The following FAXDC2 variants were observed in gnomAD, a reference collection of about 807,000 sequenced individuals.
FAXDC2 encodes fatty acid hydroxylase domain containing 2, also known as fatty acid hydroxylase domain-containing protein 2.
In FAXDC2, 41 loss-of-function variants were observed where a neutral mutation model predicts 40.9. That is an observed-to-expected ratio of 1.00 (90% CI 0.78 to 1.30). The LOEUF is 1.30. FAXDC2 is among the 50% of genes most tolerant of loss of function. The pLI, the probability that FAXDC2 is intolerant of heterozygous loss-of-function variation, is 0.00. For synonymous variants in FAXDC2, 157 were observed against 149.3 expected (o/e 1.05, Z -0.38); for missense variants, 390 against 408.8 (o/e 0.95, Z 0.40).
intron 1 of FAXDC2, among the ~76,000 whole-genome samples, chr5:154,849,835 T>C (rs1760687972): frequency 6.6e-6 from 1 of 152,236 alleles, no homozygotes; most frequent in African/African-American, 2.4e-5. Flanking sequence ...ACCTACACAC[T>C]TTACTGTATG....
At position 154,821,299 on chromosome 5, in the gene FAXDC2, A is replaced by T; in HGVS notation, c.806T>A (p.Phe269Tyr). The T allele has an allele frequency of 6.2e-7, 1 of 1,611,922 alleles. No individual in the cohort carries two copies. Among genetic ancestry groups the T allele is most frequent in the Non-Finnish European group, 8.5e-7 (1 of 1,179,008 alleles). Residue 269 changes from phenylalanine (F) to tyrosine (Y), a missense_variant, in exon 8 of 9, where the codon TTC (phenylalanine) becomes TAC (tyrosine). Physicochemically the swap from Phe to Tyr is conservative, Grantham distance 22. Transcript: ENST00000326080. ...TISHCGYHLP[F>Y]LPSPEFHDYH... ...GTCGTGGAATTCAGGCGAAGGCAGG[A>T]AGGGAAGGTGGTAGCCACAGTGGGA... is the stretch of plus-strand genomic sequence containing the variant.
At chr5:154,843,330 A>G (rs1371345400) in intron 1 of FAXDC2, among the ~76,000 whole-genome samples, 1 of 152,258 alleles carries the variant, frequency 6.6e-6, no homozygotes, top group Non-Finnish European at 1.5e-5. Context: ...AAAGCAAACG[A>G]GACATGGCCT....
In FAXDC2 at chr5:154,838,099, C is replaced by T. The variant is rs376151059; in HGVS notation, c.48+32G>A. The T allele has an allele frequency of 4.8e-6, 7 of 1,452,052 alleles. No individual in the cohort carries two copies. The African/African-American group carries it at 8.4e-5, about 17-fold the overall frequency. 89.9% of individuals were successfully genotyped at this position (1,452,052 alleles called of 1,614,324 possible). ...GGCAAAGAGCCACTGACTACATTCT[C>T]ACCAGTTTGGGGGCAAGGTGCTGGC... On this transcript the variant is annotated intron_variant, in intron 2 of 8. Transcript: ENST00000326080.
At position 154,846,287 on chromosome 5, in the gene FAXDC2, T is replaced by TGTGC. The variant is rs1554094794; in HGVS notation, c.-1+4195_-1+4196insGCAC. Among the ~76,000 whole-genome samples, 150 of 152,108 alleles carry TGTGC rather than the reference T, an allele frequency of 9.9e-4. 2 individuals carry two copies. In the East Asian group the frequency reaches 0.024, roughly 24 times the overall value. ...ACTAGATAGTGTGTGTGTGTGTGTG[T>TGTGC]GTGTGTGTGTGTTAATACCAAAGGA... On this transcript the variant is annotated intron_variant, in intron 1 of 8. Transcript: ENST00000326080.
intron 2 of FAXDC2, among the ~76,000 whole-genome samples, chr5:154,837,544 T>G (rs1760380043): frequency 6.6e-6 from 1 of 152,194 alleles, no homozygotes; most frequent in Non-Finnish European, 1.5e-5. Context: ...TTTCAGGAAC[T>G]TTTCTAGACT....
chr5:154,846,665 A>G (rs777892717), intron 1 of FAXDC2, among the ~76,000 whole-genome samples: 33 of 152,182 alleles, frequency 2.2e-4, no homozygotes, highest in Non-Finnish European at 4.1e-4. Context: ...GATTACAGGC[A>G]TGAGCCACCA....
intron 4 of FAXDC2, chr5:154,831,228 T>G (rs1041522358): frequency 4.6e-6 from 1 of 219,406 alleles, no homozygotes; most frequent in East Asian, 9.5e-5. Context: ...AGAAATGAAT[T>G]CAGGTTGACA....
intron 1 of FAXDC2, among the ~76,000 whole-genome samples, chr5:154,849,235 G>A (rs932796831): frequency 9.3e-5 from 14 of 150,260 alleles, no homozygotes; most frequent in South Asian, 2.1e-4. Flanking sequence ...AGCTGAAATC[G>A]CGCCACTGTA....
chr5:154,839,664 AAAAG>A (rs905411030), intron 1 of FAXDC2, among the ~76,000 whole-genome samples: 3 of 152,170 alleles, frequency 2.0e-5, no homozygotes, highest in African/African-American at 7.2e-5. Flanking sequence ...AAAGAAAAAA[AAAAG>A]AACAATAGAA....
intron 1 of FAXDC2, among the ~76,000 whole-genome samples, chr5:154,843,931 G>A (rs1473701393): frequency 6.6e-6 from 1 of 152,034 alleles, no homozygotes; most frequent in Non-Finnish European, 1.5e-5. Flanking sequence ...TTCAAGACCA[G>A]TCTTGGGTCG....
intron 5 of FAXDC2, among the ~76,000 whole-genome samples, chr5:154,827,421 T>TGTGTG (rs1760066368): frequency 7.2e-6 from 1 of 138,590 alleles, no homozygotes; most frequent in African/African-American, 2.7e-5. Flanking sequence ...TTCTGTTATT[T>TGTGTG]TGTGTGTGTG....
At chr5:154,824,665 A>T (rs76798772) in intron 5 of FAXDC2, 408 of 676,356 alleles carry the variant, frequency 6.0e-4, no homozygotes, top group African/African-American at 5.7e-3. Context: ...ACTGATATTT[A>T]TTGAGTACCC....
intron 4 of FAXDC2, among the ~76,000 whole-genome samples, chr5:154,831,840 A>G (rs1402332663): frequency 1.3e-5 from 2 of 152,126 alleles, no homozygotes; most frequent in East Asian, 3.8e-4. Flanking sequence ...AAAAGGACAC[A>G]CGTCTGTTTG....
intron 1 of FAXDC2, among the ~76,000 whole-genome samples, chr5:154,845,389 A>G (rs17096232): frequency 0.1 from 15,163 of 152,286 alleles, 826 homozygotes; most frequent in Admixed American, 0.15. Context: ...AATACACTGA[A>G]GTACCATAGT....
chr5:154,831,405 AG>A (rs1486542060), intron 4 of FAXDC2: 1 of 153,698 alleles, frequency 6.5e-6, no homozygotes, highest in African/African-American at 2.4e-5. Flanking sequence ...GGTGTCATCT[AG>A]TCAGTATAAG....
chr5:154,847,141 T>A (rs1334027398), intron 1 of FAXDC2, among the ~76,000 whole-genome samples: 2 of 151,802 alleles, frequency 1.3e-5, no homozygotes, highest in Admixed American at 6.6e-5. Context: ...TTTTAAAAAA[T>A]TTTTGTAAAC....
At position 154,834,720 on chromosome 5, in the gene FAXDC2, T is replaced by C; in HGVS notation, c.149A>G (p.Gln50Arg). ...GTAGCCAGAAGCACCCCAAAATCTC[T>C]GAAGATGCCTTGGAAAAAAAACCAG... ...AFWNSVTWHLQRFWGASGYFW... is the reference protein window; with the variant it reads ...AFWNSVTWHLRRFWGASGYFW... Residue 50 changes from glutamine to arginine, a missense_variant, in exon 4 of 9, where the codon CAG (glutamine) becomes CGG (arginine). Gln to Arg is a conservative substitution (Grantham distance 43). Transcript: ENST00000326080. 3.1e-6 allele frequency: 5 copies of C among 1,613,598 alleles called. No homozygotes were observed. The highest frequency in any genetic ancestry group is 4.2e-6 in the Non-Finnish European group (5 of 1,179,708).
rs113843897 is a variant in FAXDC2, at chr5:154,831,455, G to GGT, written c.245-534_245-533insAC. On this transcript the variant is annotated intron_variant, in intron 4 of 8. Coordinates refer to ENST00000326080, the MANE Select transcript of FAXDC2 (RefSeq NM_032385.5). ...GTTGTTTTTTTTTTGTTGTTTGTTT[G>GGT]TTTGTTTTTTTGAGACAAAGCCTCT... Among the ~76,000 whole-genome samples, 1,062 of 131,362 alleles carry GGT rather than the reference G, an allele frequency of 8.1e-3. 6 individuals are homozygous for GGT. Among genetic ancestry groups the GGT allele is most frequent in the Non-Finnish European group, 0.014 (825 of 59,846 alleles). 86.2% of individuals were successfully genotyped at this position (131,362 alleles called of 152,430 possible).
At chr5:154,846,269 AGTGT>A (rs10674936) in intron 1 of FAXDC2, among the ~76,000 whole-genome samples, 1,599 of 147,416 alleles carry the variant, frequency 0.011, 6 homozygotes, top group Middle Eastern at 0.021. Context: ...TGAACTAGAT[AGTGT>A]GTGTGTGTGT....
Sources: allele counts gnomAD v4.1 joint callset (sites outside exome capture counted in the v4.1 genomes callset), GRCh38; gene constraint gnomAD v4.1.1; transcripts MANE v1.5; gene names NCBI Gene and HGNC (gene_info 2026-07-23, HGNC 2026-07-21).